PTPRT: variants seen among roughly 807,000 people sequenced by gnomAD.
PTPRT encodes the protein protein tyrosine phosphatase receptor type T, also known as receptor-type tyrosine-protein phosphatase T.
PTPRT carries 56 observed loss-of-function variants against 176.8 expected under a neutral mutation model. That is an observed-to-expected ratio of 0.32 (90% CI 0.26 to 0.40). The LOEUF (loss-of-function observed/expected upper bound fraction) is 0.40. Ranked by LOEUF, PTPRT falls within the 10% of genes least tolerant of loss-of-function variation. The pLI, the probability that PTPRT is intolerant of heterozygous loss-of-function variation, is 1.00. For missense variants in PTPRT, 1,540 were observed against 1,908.2 expected (o/e 0.81, Z 3.60); for synonymous variants, 783 against 739.0 (o/e 1.06, Z -0.96).
At position 42,446,619 on chromosome 20, in the gene PTPRT, T is replaced by TGAGAGA. The variant is rs1489458481; in HGVS notation, c.1560+1600_1560+1601insTCTCTC. On this transcript the variant is annotated intron_variant, in intron 9 of 30. Coordinates refer to ENST00000373187, the MANE Select transcript of PTPRT (RefSeq NM_007050.6). ...GTGTGTGTGTGTGTGTGTGTGTGTG[T>TGAGAGA]GTGAGAGAGAGAGAGAGATTGTGGT... 5.7e-4 allele frequency among the ~76,000 whole-genome samples: 82 copies of TGAGAGA among 144,272 alleles called. No homozygotes were observed. In the South Asian group the frequency reaches 0.015, roughly 27 times the overall value. 94.6% of individuals were successfully genotyped at this position (144,272 alleles called of 152,430 possible). A position where few individuals can be genotyped will look rare whatever the true frequency, so the allele number is the denominator to read the frequency against.
rs2079014435 is a variant in PTPRT at position 42,881,736 on chromosome 20, A to T, written c.214+4071T>A. Among the ~76,000 whole-genome samples the T allele has an allele frequency of 2.0e-5, 3 of 149,946 alleles. No individual in the cohort carries two copies. In the South Asian group the frequency reaches 6.2e-4, roughly 31 times the overall value. ...CGACACTCTGTCTCAAAAAAAAAAA[A>T]AAAAAAAAAAAAAGAGAGAGAGAGA... On this transcript the variant is annotated intron_variant, in intron 2 of 30. Coordinates refer to ENST00000373187, the MANE Select transcript of PTPRT (RefSeq NM_007050.6).
intron 6 of PTPRT, among the ~76,000 whole-genome samples, chr20:42,740,945 C>T (rs1014330560): frequency 6.6e-6 from 1 of 152,132 alleles, no homozygotes; most frequent in African/African-American, 2.4e-5. Context: ...CCTAAATCCT[C>T]AGAGGTCTAT....
At chr20:43,083,940 G>A (rs191149912) in intron 1 of PTPRT, among the ~76,000 whole-genome samples, 1 of 152,164 alleles carries the variant, frequency 6.6e-6, no homozygotes, top group African/African-American at 2.4e-5. Flanking sequence ...TGTTTCTGAG[G>A]TTCATACATG....
At chr20:42,696,070 T>C (rs2075869982) in intron 6 of PTPRT, among the ~76,000 whole-genome samples, 2 of 152,102 alleles carry the variant, frequency 1.3e-5, no homozygotes. Context: ...TCTGTTACAC[T>C]AAGTCTACCA....
intron 1 of PTPRT, among the ~76,000 whole-genome samples, chr20:43,111,282 G>A (rs983787475): frequency 6.6e-6 from 1 of 152,120 alleles, no homozygotes; most frequent in African/African-American, 2.4e-5. Flanking sequence ...GCTCACGCCT[G>A]TAATCCAAGC....
At chr20:42,702,199 T>A (rs1458793650) in intron 6 of PTPRT, among the ~76,000 whole-genome samples, 2 of 151,984 alleles carry the variant, frequency 1.3e-5, no homozygotes, top group African/African-American at 2.4e-5. Context: ...TTGAACAGAG[T>A]GTTCTTTGTC....
At chr20:42,683,111 C>T (rs2075631113) in intron 6 of PTPRT, among the ~76,000 whole-genome samples, 1 of 152,172 alleles carries the variant, frequency 6.6e-6, no homozygotes, top group African/African-American at 2.4e-5. Context: ...TTTCTATTCA[C>T]TGACCCTCCA....
intron 7 of PTPRT, among the ~76,000 whole-genome samples, chr20:42,558,749 T>C (rs2072902737): frequency 2.0e-5 from 3 of 152,146 alleles, no homozygotes; most frequent in African/African-American, 7.2e-5. Flanking sequence ...CTGACGAATA[T>C]TGCACTGATG....
At position 42,780,271 on chromosome 20, in the gene PTPRT, C is replaced by T; in HGVS notation, c.515G>A (p.Gly172Asp). 5 of 1,614,000 alleles carry T rather than the reference C, an allele frequency of 3.1e-6. No individual in the cohort carries two copies. Among genetic ancestry groups the T allele is most frequent in the Non-Finnish European group, 4.2e-6 (5 of 1,179,946 alleles). Residue 172 changes from glycine to aspartate, a missense_variant, in exon 4 of 31, where the codon GGT becomes GAT. Gly to Asp is a moderately conservative substitution (Grantham distance 94). This residue lies in a region of PTPRT where 273 missense variants were observed against 432.1 expected (regional missense o/e 0.63). Coordinates refer to ENST00000373187, the MANE Select transcript of PTPRT (RefSeq NM_007050.6). ...GTCCACGGCGATGTAGCCAGGATGA[C>T]CCTTCAATGAGACGGATTCAAATAT... Reference protein sequence around the residue: ...QVIFESVSLKGHPGYIAVDEV... With the variant: ...QVIFESVSLKDHPGYIAVDEV...
intron 7 of PTPRT, among the ~76,000 whole-genome samples, chr20:42,664,462 A>C (rs1281732180): frequency 6.6e-6 from 1 of 152,132 alleles, no homozygotes; most frequent in Non-Finnish European, 1.5e-5. Context: ...TCTCCCAATA[A>C]AAGAATGATA....
At chr20:42,576,214 C>G (rs6030337) in intron 7 of PTPRT, among the ~76,000 whole-genome samples, 79 of 152,218 alleles carry the variant, frequency 5.2e-4, no homozygotes, top group African/African-American at 1.8e-3. Context: ...ACAATTCCAC[C>G]CTTCCCTCTC....
chr20:42,907,044 C>T (rs984796120), intron 1 of PTPRT, among the ~76,000 whole-genome samples: 10 of 152,026 alleles, frequency 6.6e-5, no homozygotes, highest in African/African-American at 2.4e-4. Flanking sequence ...TCCTTACAAC[C>T]TACTACCTAC....
chr20:42,653,025 T>C (rs1306299368), intron 7 of PTPRT, among the ~76,000 whole-genome samples: 1 of 152,194 alleles, frequency 6.6e-6, no homozygotes, highest in Admixed American at 6.5e-5. Context: ...CAGACTGATA[T>C]GATTTGGCTA....
chr20:42,252,116 A>G (rs1253466449), intron 13 of PTPRT, among the ~76,000 whole-genome samples: 2 of 152,238 alleles, frequency 1.3e-5, no homozygotes, highest in Non-Finnish European at 2.9e-5. Flanking sequence ...TGGATTGGAT[A>G]TGGGGAATAA....
At chr20:42,299,324 C>G (rs2057427092) in intron 12 of PTPRT, among the ~76,000 whole-genome samples, 1 of 151,730 alleles carries the variant, frequency 6.6e-6, no homozygotes, top group Non-Finnish European at 1.5e-5. Context: ...ACTTAATTTC[C>G]AATAAATACA....
At chr20:42,797,233 C>G (rs529908541) in intron 2 of PTPRT, among the ~76,000 whole-genome samples, 1 of 152,298 alleles carries the variant, frequency 6.6e-6, no homozygotes, top group East Asian at 1.9e-4. Flanking sequence ...CCATCTTCTT[C>G]CTTTCCACTC....
intron 6 of PTPRT, among the ~76,000 whole-genome samples, chr20:42,744,672 G>A (rs1453796128): frequency 6.6e-6 from 1 of 152,104 alleles, no homozygotes; most frequent in African/African-American, 2.4e-5. Context: ...ATTAATAACA[G>A]GCCTGCTTAG....
chr20:42,236,143 A>G, intron 15 of PTPRT, 86 bp downstream of exon 15: 2 of 1,191,618 alleles, frequency 1.7e-6, no homozygotes, highest in Admixed American at 2.2e-5. Context: ...ATGAGAAACT[A>G]ACAGACACTT....
chr20:42,418,253 A>G (rs746621309), intron 9 of PTPRT, among the ~76,000 whole-genome samples: 65 of 152,232 alleles, frequency 4.3e-4, no homozygotes, highest in Admixed American at 3.3e-3. Context: ...AAAACTATAC[A>G]TTATTAAAAT....
Sources: gnomAD v4.1 joint callset for allele counts (sites outside exome capture counted in the v4.1 genomes callset) on GRCh38, gnomAD v4.1.1 for gene constraint, gnomAD v4.1.1 regional missense constraint, MANE v1.5 for transcripts, NCBI Gene and HGNC (gene_info 2026-07-23, HGNC 2026-07-21) for gene names.